The following CLEC4A variants were observed in gnomAD, a reference collection of about 807,000 sequenced individuals.
CLEC4A encodes the protein C-type (calcium dependent, carbohydrate-recognition domain) lectin, superfamily member 6.
A neutral mutation model predicts 32.7 loss-of-function variants in CLEC4A; 27 were observed. The observed-to-expected ratio is 0.83, with a 90% confidence interval of 0.61 to 1.14. The LOEUF is 1.14. Ranked by LOEUF, CLEC4A falls within the 50% of genes most tolerant of loss-of-function variation. The pLI, the probability that CLEC4A is intolerant of heterozygous loss-of-function variation, is 0.00. For missense variants in CLEC4A, 253 were observed against 274.6 expected (o/e 0.92, Z 0.55); for synonymous variants, 89 against 93.7 (o/e 0.95, Z 0.29).
intron 5 of CLEC4A, 93 bp from the exon 6 acceptor site, chr12:8,138,047 C>G (rs1234173103): frequency 3.6e-6 from 5 of 1,377,290 alleles, no homozygotes; most frequent in East Asian, 5.1e-5. Context: ...ACCCTATGTT[C>G]CATGAAATTC....
rs1312582586 is a variant in CLEC4A at position 8,135,913 on chromosome 12, A to T, written c.450+177A>T. 4.6e-5 allele frequency among the ~76,000 whole-genome samples: 7 copies of T among 152,226 alleles called. No homozygotes were observed. The South Asian group carries it at 1.5e-3, about 32-fold the overall frequency. ...TTCCATACCTCCTTCCTGCTTCAGT[A>T]AAACTAACCTCCCCGGAAGAAATTG... On this transcript the variant is annotated intron_variant, in intron 4 of 5. Coordinates refer to ENST00000229332, the MANE Select transcript of CLEC4A (RefSeq NM_016184.4).
chr12:8,111,595 T>C, the CLEC4A span, among the ~76,000 whole-genome samples: 3 of 152,226 alleles, frequency 2.0e-5, no homozygotes, highest in South Asian at 4.1e-4. Flanking sequence ...AAATTAATAA[T>C]GTTCTGAAGT....
intron 2 of CLEC4A, 115 bp downstream of exon 2, chr12:8,125,792 C>T (rs1191169071): frequency 1.5e-6 from 1 of 674,968 alleles, no homozygotes; most frequent in Non-Finnish European, 2.6e-6. Flanking sequence ...GAAATTTTCT[C>T]TGGGGAGACA....
intron 2 of CLEC4A, 90 bp downstream of exon 2, chr12:8,125,767 C>G (rs1947891461): frequency 4.1e-6 from 3 of 733,766 alleles, no homozygotes; most frequent in South Asian, 3.7e-5. Context: ...ATGAGCTTAT[C>G]CAGAAATCTG....
chr12:8,119,612 T>TA (rs1400647697), upstream of CLEC4A, among the ~76,000 whole-genome samples: 3 of 152,236 alleles, frequency 2.0e-5, no homozygotes, highest in Admixed American at 2.0e-4. Context: ...ATTTACTCCA[T>TA]CCTTACTTCT....
At chr12:8,120,377 C>T (rs994870031), upstream of CLEC4A, among the ~76,000 whole-genome samples, 11 of 152,094 alleles carry the variant, frequency 7.2e-5, no homozygotes, top group African/African-American at 1.4e-4. Context: ...ATGAGATATA[C>T]GGGCCCACCA....
rs1314610896 is a variant in CLEC4A, at chr12:8,138,367, T to A, written c.*80T>A. The A allele has an allele frequency of 3.9e-6, 6 of 1,529,820 alleles. No individual in the cohort carries two copies. The East Asian group carries it at 1.1e-4, about 29-fold the overall frequency. The allele number at this position is 1,529,820 out of a possible 1,614,324, so 94.8% of individuals were successfully genotyped here. On this transcript the variant is annotated 3_prime_UTR_variant, in exon 6 of 6. Coordinates refer to ENST00000229332, the MANE Select transcript of CLEC4A (RefSeq NM_016184.4). ...AGATAATAAGCTCTTCTTATTCATG[T>A]GTAAGGGAGGTCCATAGAATTTAGG...
In CLEC4A at chr12:8,125,637, T is replaced by C. The variant is rs1947888667; in HGVS notation, c.159T>C (p.Phe53=). The change falls in exon 2 of 6, where the codon TTT becomes TTC. Residue 53 remains phenylalanine (F), a synonymous_variant. Coordinates refer to ENST00000229332, the MANE Select transcript of CLEC4A (RefSeq NM_016184.4). Reference sequence around the variant, plus strand: ...TGCTTTGTGCCTCACTGTTGATATTTTTCCTGCTATTGGCAATCTCATTCT... The same window carrying C: ...TGCTTTGTGCCTCACTGTTGATATTCTTCCTGCTATTGGCAATCTCATTCT... ...PKLLCASLLI[F]FLLLAISFFI... The C allele has an allele frequency of 1.9e-6, 3 of 1,613,002 alleles. No individual in the cohort carries two copies. Among genetic ancestry groups the C allele is most frequent in the Non-Finnish European group, 2.5e-6 (3 of 1,179,100 alleles).
chr12:8,127,991 G>A (rs1947930540), intron 2 of CLEC4A, among the ~76,000 whole-genome samples: 2 of 152,168 alleles, frequency 1.3e-5, no homozygotes, highest in African/African-American at 4.8e-5. Context: ...CTGGATTTAG[G>A]GAGAGAGGTC....
At chr12:8,133,262 G>A (rs1019355272) in intron 3 of CLEC4A, among the ~76,000 whole-genome samples, 1 of 151,944 alleles carries the variant, frequency 6.6e-6, no homozygotes, top group Non-Finnish European at 1.5e-5. Context: ...TGTTGGCCAG[G>A]CTGGTCTAGA....
Position 8,125,610 on chromosome 12 carries a change from G to T in CLEC4A, c.132G>T (p.Lys44Asn). ...APHKSNTGFP[K>N]LLCASLLIFF... is the part of the protein sequence containing the mutation. The stretch of plus-strand genomic sequence containing the variant: ...ACAAAAGTAATACCGGATTCCCCAA[G>T]CTGCTTTGTGCCTCACTGTTGATAT... The change falls in exon 2 of 6, where the codon AAG becomes AAT. Residue 44 changes from lysine to asparagine, a missense_variant. Physicochemically the swap from Lys to Asn is moderately conservative, Grantham distance 94 (BLOSUM62 0). Transcript: ENST00000229332. The T allele has an allele frequency of 6.2e-7, 1 of 1,613,626 alleles. No homozygotes were observed. Among genetic ancestry groups the T allele is most frequent in the Non-Finnish European group, 8.5e-7 (1 of 1,179,596 alleles).
the CLEC4A span, among the ~76,000 whole-genome samples, chr12:8,104,543 C>G: frequency 2.0e-5 from 3 of 152,204 alleles, no homozygotes; most frequent in Admixed American, 6.5e-5. Flanking sequence ...TCCACCATAT[C>G]TTTGATGTTT....
chr12:8,127,435 T>G (rs1032519031), intron 2 of CLEC4A, among the ~76,000 whole-genome samples: 1 of 152,214 alleles, frequency 6.6e-6, no homozygotes, highest in East Asian at 1.9e-4. Context: ...ATTTCTTGAT[T>G]GAAGAAGCTG....
At chr12:8,111,703 C>G in the CLEC4A span, among the ~76,000 whole-genome samples, 1 of 152,036 alleles carries the variant, frequency 6.6e-6, no homozygotes, top group African/African-American at 2.4e-5. Flanking sequence ...TATATTTAAC[C>G]ACTGTCCTTG....
At chr12:8,131,463 G>A (rs1419839675) in intron 3 of CLEC4A, among the ~76,000 whole-genome samples, 2 of 151,622 alleles carry the variant, frequency 1.3e-5, no homozygotes, top group African/African-American at 4.8e-5. Flanking sequence ...TGCAGATGAA[G>A]TGCAAAGGCA....
chr12:8,104,838 T>C, the CLEC4A span, among the ~76,000 whole-genome samples: 3 of 152,344 alleles, frequency 2.0e-5, no homozygotes, highest in East Asian at 5.8e-4. Context: ...TGGTTTCCTA[T>C]TCCTGCATTA....
intron 3 of CLEC4A, among the ~76,000 whole-genome samples, chr12:8,131,614 C>T (rs970714302): frequency 1.3e-5 from 2 of 152,082 alleles, no homozygotes; most frequent in Non-Finnish European, 2.9e-5. Context: ...TAAATCTCAT[C>T]CAAAAGCATT....
chr12:8,115,544 A>T, the CLEC4A span, among the ~76,000 whole-genome samples: 3 of 152,172 alleles, frequency 2.0e-5, no homozygotes, highest in African/African-American at 7.2e-5. Context: ...TAGCATCTGT[A>T]GGATATCATC....
the CLEC4A span, among the ~76,000 whole-genome samples, chr12:8,107,780 T>C: frequency 6.6e-6 from 1 of 152,018 alleles, no homozygotes; most frequent in Non-Finnish European, 1.5e-5. Flanking sequence ...GCTTTTTTTT[T>C]TTTTCCTTTA....
Sources: allele counts gnomAD v4.1 joint callset (sites outside exome capture counted in the v4.1 genomes callset), GRCh38; gene constraint gnomAD v4.1.1; transcripts MANE v1.5; gene names NCBI Gene and HGNC (gene_info 2026-07-23, HGNC 2026-07-21).